KDM4B: variants seen among roughly 807,000 people sequenced by gnomAD.
KDM4B encodes lysine-specific demethylase 4B.
In KDM4B, 32 loss-of-function variants were observed where a neutral mutation model predicts 125.2. The ratio of observed to expected loss-of-function variants is 0.26; its 90% CI spans 0.19 to 0.34. The LOEUF (loss-of-function observed/expected upper bound fraction) is 0.34, where lower values mean the gene tolerates loss of function less well. Ranked by LOEUF, KDM4B falls within the 10% of genes least tolerant of loss-of-function variation. KDM4B has a pLI of 1.00. For missense variants in KDM4B, 1,190 were observed against 1,577.7 expected, an observed-to-expected ratio of 0.75 and a Z score of 4.16; for synonymous variants, 721 against 677.9, an observed-to-expected ratio of 1.06 and a Z score of -0.99.
intron 5 of KDM4B, among the ~76,000 whole-genome samples, chr19:5,045,487 A>G (rs959842063): frequency 2.0e-5 from 3 of 151,760 alleles, no homozygotes; most frequent in Admixed American, 6.6e-5. Flanking sequence ...CCTGGGTTCA[A>G]TCATTTCTGT....
chr19:5,114,209 C>G lies in KDM4B; in HGVS notation c.1115+3391C>G. The G allele has an allele frequency of 7.8e-7, 1 of 1,289,740 alleles. No individual in the cohort carries two copies. The allele number at this position is 1,289,740 out of a possible 1,614,324, so 79.9% of individuals were successfully genotyped here. On this transcript the variant is annotated intron_variant, in intron 10 of 22. Coordinates refer to ENST00000159111, the MANE Select transcript of KDM4B (RefSeq NM_015015.3). The surrounding 1 kb of genome is among the most constrained non-coding windows in gnomAD (Gnocchi z 5.8). ...TTCCACGCGAGAAGCGCCATGTGCA[C>G]GTGCTCCAGCAGGTACGCGCTCCCT...
At chr19:5,039,263 A>G (rs2036726936) in intron 3 of KDM4B, among the ~76,000 whole-genome samples, 1 of 152,160 alleles carries the variant, frequency 6.6e-6, no homozygotes, top group South Asian at 2.1e-4. Context: ...GTGCAACAAA[A>G]TGAGACTCCA....
intron 9 of KDM4B, among the ~76,000 whole-genome samples, chr19:5,085,958 C>T (rs2038479472): frequency 6.6e-6 from 1 of 152,118 alleles, no homozygotes; most frequent in African/African-American, 2.4e-5. Flanking sequence ...GGGGCTCGGG[C>T]CTTGTTCAGA....
chr19:5,122,337 C>T lies in KDM4B; in HGVS notation c.1315+2485C>T, dbSNP rs938898413. ...CCTGGGTTCCCAGGTCTCCCAGATG[C>T]TCTCCCATGTCAGGGTCCTTCACTG... On this transcript the variant is annotated intron_variant, in intron 11 of 22. Coordinates refer to ENST00000159111, the MANE Select transcript of KDM4B (RefSeq NM_015015.3). Among the ~76,000 whole-genome samples the T allele has an allele frequency of 2.6e-5, 4 of 152,224 alleles. No homozygotes were observed. The East Asian group carries it at 7.7e-4, about 29-fold the overall frequency.
Position 5,056,096 on chromosome 19 carries a change from G to A in KDM4B, c.626+8427G>A, listed in dbSNP as rs1308393453. Among the ~76,000 whole-genome samples the A allele has an allele frequency of 3.3e-5, 5 of 152,334 alleles. No homozygotes were observed. In the East Asian group the frequency reaches 5.8e-4, roughly 18 times the overall value. Reference sequence around the variant, plus strand: ...GATGCCCTGGACAGTGTTGAGGAGGGCTGGCCAGGGAGTTTATAGAACGTC... The same window carrying A: ...GATGCCCTGGACAGTGTTGAGGAGGACTGGCCAGGGAGTTTATAGAACGTC... On this transcript the variant is annotated intron_variant, in intron 6 of 22. Coordinates refer to ENST00000159111, the MANE Select transcript of KDM4B (RefSeq NM_015015.3).
rs185601136 is a variant in KDM4B at position 5,066,876 on chromosome 19, G to A, written c.627-4134G>A. Among the ~76,000 whole-genome samples, 6 of 152,336 alleles carry A rather than the reference G, an allele frequency of 3.9e-5. No homozygotes were observed. In the East Asian group the frequency reaches 1.2e-3, roughly 29 times the overall value. On this transcript the variant is annotated intron_variant, in intron 6 of 22. Coordinates refer to ENST00000159111, the MANE Select transcript of KDM4B (RefSeq NM_015015.3). The stretch of plus-strand genomic sequence containing the variant: ...GGGGGGCAGACAGCCAGGGCTTTGA[G>A]AACACGGAGATGGAGACCCCGCTGG...
Position 5,047,781 on chromosome 19 carries a change from C to G in KDM4B, c.626+112C>G, listed in dbSNP as rs1232869678. 2.9e-6 allele frequency: 3 copies of G among 1,042,874 alleles called. No homozygotes were observed. The Admixed American group carries it at 6.8e-5, about 24-fold the overall frequency. The allele number at this position is 1,042,874 out of a possible 1,614,324, so 64.6% of individuals were successfully genotyped here. On this transcript the variant is annotated intron_variant, in intron 6 of 22. Coordinates refer to ENST00000159111, the MANE Select transcript of KDM4B (RefSeq NM_015015.3). ...GCAGGGGCCCCACCAGGTGAGGCCG[C>G]AAAGGTCGGCCTATGACGGCTGGAG...
chr19:5,043,599 A>T (rs1369079488), intron 5 of KDM4B, among the ~76,000 whole-genome samples: 1 of 136,842 alleles, frequency 7.3e-6, no homozygotes, highest in Non-Finnish European at 1.5e-5. Flanking sequence ...GGGGGTGTCC[A>T]CCATATCCTG....
At chr19:5,024,475 G>A (rs1055902944) in intron 2 of KDM4B, among the ~76,000 whole-genome samples, 7 of 152,222 alleles carry the variant, frequency 4.6e-5, no homozygotes, top group East Asian at 1.9e-4. Flanking sequence ...CAGCCGGGCC[G>A]GAAGCGTCCC....
intron 1 of KDM4B, among the ~76,000 whole-genome samples, chr19:4,995,787 A>T (rs1452582034): frequency 1.3e-5 from 2 of 151,812 alleles, no homozygotes; most frequent in African/African-American, 4.8e-5. Flanking sequence ...TATAAAAGGG[A>T]TATGTAAGTA....
chr19:4,987,867 G>A (rs1233865488), intron 1 of KDM4B, among the ~76,000 whole-genome samples: 1 of 152,178 alleles, frequency 6.6e-6, no homozygotes, highest in Non-Finnish European at 1.5e-5. Flanking sequence ...GCCTGGACTG[G>A]GGGTGGCTTT....
At position 5,121,288 on chromosome 19, in the gene KDM4B, G is replaced by A. The variant is rs563047884; in HGVS notation, c.1315+1436G>A. On this transcript the variant is annotated intron_variant, in intron 11 of 22. Coordinates refer to ENST00000159111, the MANE Select transcript of KDM4B (RefSeq NM_015015.3). Reference sequence around the variant, plus strand: ...TTTGCCCCTGACGGACCACTTACTCGGTGGGGTACGTGGGCCCTGCGTCTG... The same window carrying A: ...TTTGCCCCTGACGGACCACTTACTCAGTGGGGTACGTGGGCCCTGCGTCTG... 3.3e-5 allele frequency among the ~76,000 whole-genome samples: 5 copies of A among 152,324 alleles called. No homozygotes were observed. In the East Asian group the frequency reaches 5.8e-4, roughly 18 times the overall value.
Position 4,982,963 on chromosome 19 carries a change from G to A in KDM4B, c.-109+13733G>A, listed in dbSNP as rs915910844. On this transcript the variant is annotated intron_variant, in intron 1 of 22. Coordinates refer to ENST00000159111, the MANE Select transcript of KDM4B (RefSeq NM_015015.3). ...GCTGTCCAGTGAGGATGCAGAACAA[G>A]CCCGTGTGTCTGAATTTTCTGGTAG... Among the ~76,000 whole-genome samples, 5 of 152,180 alleles carry A rather than the reference G, an allele frequency of 3.3e-5. No individual in the cohort carries two copies. The East Asian group carries it at 9.7e-4, about 29-fold the overall frequency.
chr19:5,035,004 A>G lies in KDM4B; in HGVS notation c.141+1973A>G, dbSNP rs2036573892. On this transcript the variant is annotated intron_variant, in intron 3 of 22. Transcript: ENST00000159111. The surrounding 1 kb of genome is among the most constrained non-coding windows in gnomAD (Gnocchi z 5.3). ...ACCAAGCTGGATTTTTGATTGTAAC[A>G]CACCATGACGATGTGGGAATGATGG... Among the ~76,000 whole-genome samples, 1 of 152,138 alleles carries G rather than the reference A, an allele frequency of 6.6e-6. No homozygotes were observed. The highest frequency in any genetic ancestry group is 2.1e-4 in the South Asian group (1 of 4,828).
At position 5,081,626 on chromosome 19, in the gene KDM4B, G is replaced by T. The variant is rs1292445923; in HGVS notation, c.781-741G>T. On this transcript the variant is annotated intron_variant, in intron 8 of 22. Transcript: ENST00000159111. The surrounding 1 kb of genome is among the most constrained non-coding windows in gnomAD (Gnocchi z 4.2). ...GGGCCGAACATCCGAATTGGACCTG[G>T]GTCTGGAAGCATTGGCCCGCTCTCC... Among the ~76,000 whole-genome samples, 1 of 152,136 alleles carries T rather than the reference G, an allele frequency of 6.6e-6. No homozygotes were observed. Among genetic ancestry groups the T allele is most frequent in the Non-Finnish European group, 1.5e-5 (1 of 68,032 alleles).
At chr19:5,109,152 C>G (rs1224112795) in intron 9 of KDM4B, among the ~76,000 whole-genome samples, 1 of 152,230 alleles carries the variant, frequency 6.6e-6, no homozygotes, top group African/African-American at 2.4e-5. Context: ...TGAAAACACT[C>G]AGCGTTTGGG....
rs1338439632 is a variant in KDM4B at position 5,150,412 on chromosome 19, C to G, written c.3076C>G (p.Leu1026Val). 2 of 1,551,310 alleles carry G rather than the reference C, an allele frequency of 1.3e-6. No individual in the cohort carries two copies. Among genetic ancestry groups the G allele is most frequent in the Non-Finnish European group, 1.7e-6 (2 of 1,146,946 alleles). ...LTVKRGDIFT[L>V]EEELPKRVRS... ...GGTGAAGCGTGGGGACATCTTCACC[C>G]TGGAGGAGGAGCTGCCCAAGAGGGT... Residue 1026 changes from leucine to valine, a missense_variant, in exon 22 of 23, where the codon CTG becomes GTG. Physicochemically the swap from Leu to Val is conservative, Grantham distance 32. Transcript: ENST00000159111.
intron 6 of KDM4B, among the ~76,000 whole-genome samples, chr19:5,047,911 G>A (rs1485605985): frequency 1.3e-5 from 2 of 152,210 alleles, no homozygotes; most frequent in Non-Finnish European, 2.9e-5. Flanking sequence ...GTACCCCGGA[G>A]TGCCCCCCAT....
intron 6 of KDM4B, among the ~76,000 whole-genome samples, chr19:5,069,826 T>TG (rs1465399878): frequency 1.3e-5 from 2 of 151,312 alleles, no homozygotes; most frequent in African/African-American, 2.4e-5. Context: ...AGGCTGGTCT[T>TG]GAACTCCTGA....
Sources: gnomAD v4.1 joint callset for allele counts (sites outside exome capture counted in the v4.1 genomes callset) on GRCh38, gnomAD v4.1.1 for gene constraint, Gnocchi (gnomAD v3.1) non-coding constraint, MANE v1.5 for transcripts, NCBI Gene and HGNC (gene_info 2026-07-23, HGNC 2026-07-21) for gene names.